The following CLOCK variants were observed in gnomAD, a reference collection of about 807,000 sequenced individuals.
CLOCK encodes the protein clock circadian regulator.
A neutral mutation model predicts 118.4 loss-of-function variants in CLOCK; 43 were observed. The ratio of observed to expected loss-of-function variants is 0.36; its 90% CI spans 0.28 to 0.47. The LOEUF is 0.47. CLOCK is among the 20% of genes least tolerant of loss of function. The pLI, the probability that CLOCK is intolerant of heterozygous loss-of-function variation, is 1.00. For synonymous variants in CLOCK, 326 were observed against 339.2 expected (o/e 0.96, Z 0.43); for missense variants, 846 against 999.9 (o/e 0.85, Z 2.08).
At chr4:55,491,522 TATTTTTTTGAGACAACTCAATA>T (rs2109951907) in intron 2 of CLOCK, among the ~76,000 whole-genome samples, 1 of 140,840 alleles carries the variant, frequency 7.1e-6, no homozygotes, top group Admixed American at 7.0e-5. Flanking sequence ...AATAAAAAAG[TATTTTTTTGAGACAACTCAATA>T]AATATACACC....
At chr4:55,437,438 C>T (rs12501746) in intron 22 of CLOCK, among the ~76,000 whole-genome samples, 46,085 of 152,014 alleles carry the variant, frequency 0.3, 7,607 homozygotes, top group East Asian at 0.58. Flanking sequence ...GGGTTTTGTA[C>T]ATTTCTCTGC....
At chr4:55,478,775 C>G in intron 6 of CLOCK, 40 bp downstream of exon 6, 1 of 1,593,760 alleles carries the variant, frequency 6.3e-7, no homozygotes, top group African/African-American at 1.3e-5. Context: ...CTAACTAATG[C>G]TTTGAGAGTC....
chr4:55,444,891 A>T (rs1452464243), intron 18 of CLOCK, 106 bp from the exon 19 acceptor site: 147 of 1,081,590 alleles, frequency 1.4e-4, no homozygotes, highest in Non-Finnish European at 1.7e-4. Context: ...AAGGATGATA[A>T]CATCCTTCAC....
At chr4:55,440,679 G>A (rs188795929) in intron 21 of CLOCK, among the ~76,000 whole-genome samples, 20 of 152,342 alleles carry the variant, frequency 1.3e-4, no homozygotes, top group African/African-American at 4.8e-4. Context: ...GAAGTACTAA[G>A]TGCTGATTTC....
At chr4:55,523,217 A>G (rs1729954861) in intron 1 of CLOCK, among the ~76,000 whole-genome samples, 2 of 152,164 alleles carry the variant, frequency 1.3e-5, no homozygotes, top group African/African-American at 4.8e-5. Context: ...GGAGAATGGC[A>G]TGAATCTGGG....
At position 55,502,231 on chromosome 4, in the gene CLOCK, T is replaced by A. The variant is rs574969206; in HGVS notation, c.-136+7681A>T. Among the ~76,000 whole-genome samples, 3 of 152,254 alleles carry A rather than the reference T, an allele frequency of 2.0e-5. No homozygotes were observed. In the East Asian group the frequency reaches 5.8e-4, roughly 29 times the overall value. ...TGCGGAGGACTGCTTATAAGCTGAG[T>A]GCAGAATTTTTATTGAAATTCAAAG... On this transcript the variant is annotated intron_variant, in intron 2 of 22. Transcript: ENST00000513440.
intron 1 of CLOCK, among the ~76,000 whole-genome samples, chr4:55,542,909 G>A (rs987749100): frequency 1.3e-5 from 2 of 152,052 alleles, no homozygotes; most frequent in African/African-American, 4.8e-5. Context: ...CTAAAACTTG[G>A]ACTCTAAAGA....
intron 1 of CLOCK, among the ~76,000 whole-genome samples, chr4:55,544,024 C>G (rs1323868070): frequency 6.6e-6 from 1 of 152,148 alleles, no homozygotes; most frequent in African/African-American, 2.4e-5. Flanking sequence ...ATATTAGTCA[C>G]CAGGGGGAGT....
intron 8 of CLOCK, among the ~76,000 whole-genome samples, chr4:55,468,091 G>T (rs1251830577): frequency 2.0e-5 from 3 of 152,116 alleles, no homozygotes; most frequent in Admixed American, 2.0e-4. Context: ...CTTACAAGCA[G>T]AATTACTTTA....
At chr4:55,451,704 G>GT (rs1172590574) in intron 15 of CLOCK, among the ~76,000 whole-genome samples, 2 of 152,184 alleles carry the variant, frequency 1.3e-5, no homozygotes, top group Non-Finnish European at 2.9e-5. Flanking sequence ...TATTACTTCA[G>GT]TTTTCATAAT....
intron 13 of CLOCK, among the ~76,000 whole-genome samples, chr4:55,455,030 T>G (rs1388690780): frequency 1.3e-5 from 2 of 152,158 alleles, no homozygotes; most frequent in African/African-American, 4.8e-5. Context: ...CTGAAAATTT[T>G]CCATAGAGTT....
intron 2 of CLOCK, among the ~76,000 whole-genome samples, chr4:55,508,168 T>C (rs1411168787): frequency 6.6e-6 from 1 of 152,186 alleles, no homozygotes; most frequent in African/African-American, 2.4e-5. Flanking sequence ...GACAGTGTAC[T>C]TTCATCTCCA....
At chr4:55,454,998 T>A (rs1479893881) in intron 13 of CLOCK, among the ~76,000 whole-genome samples, 1 of 152,122 alleles carries the variant, frequency 6.6e-6, no homozygotes. Flanking sequence ...GCCCACATCT[T>A]TTGTGCTGAA....
chr4:55,537,022 A>C (rs187888529), intron 1 of CLOCK, among the ~76,000 whole-genome samples: 13 of 152,372 alleles, frequency 8.5e-5, no homozygotes, highest in African/African-American at 2.9e-4. Flanking sequence ...ATAAATTTAA[A>C]ATTATCTCAT....
intron 2 of CLOCK, among the ~76,000 whole-genome samples, chr4:55,508,991 G>T (rs368882801): frequency 1.3e-5 from 2 of 152,248 alleles, no homozygotes; most frequent in African/African-American, 2.4e-5. Flanking sequence ...ACACCTAGAC[G>T]ATCTGGAATA....
chr4:55,546,227 C>T (rs570019837), intron 1 of CLOCK, among the ~76,000 whole-genome samples: 1 of 152,308 alleles, frequency 6.6e-6, no homozygotes, highest in African/African-American at 2.4e-5. Flanking sequence ...CTGCTGGAAT[C>T]GGCCGCAGCT....
rs1357163453 is a variant in CLOCK, at chr4:55,493,995, T to G, written c.-135-4530A>C. On this transcript the variant is annotated intron_variant, in intron 2 of 22. Transcript: ENST00000513440. ...TAGTGGGACAATACTATTCCAACGA[T>G]TCAACTAATATATATTTTTCAAGTA... Among the ~76,000 whole-genome samples the G allele has an allele frequency of 2.6e-5, 4 of 152,250 alleles. No homozygotes were observed. In the East Asian group the frequency reaches 7.7e-4, roughly 29 times the overall value.
intron 1 of CLOCK, among the ~76,000 whole-genome samples, chr4:55,529,221 C>T (rs1730386883): frequency 6.6e-6 from 1 of 152,162 alleles, no homozygotes. Flanking sequence ...TGCAGTGACA[C>T]AATCATAGCT....
chr4:55,469,991 A>G (rs1233673085), intron 8 of CLOCK, among the ~76,000 whole-genome samples: 1 of 152,242 alleles, frequency 6.6e-6, no homozygotes, highest in Non-Finnish European at 1.5e-5. Context: ...AAGTGTTACT[A>G]CAAGAGTAAA....
Sources: gnomAD v4.1 joint callset for allele counts (sites outside exome capture counted in the v4.1 genomes callset) on GRCh38, gnomAD v4.1.1 for gene constraint, MANE v1.5 for transcripts, NCBI Gene and HGNC (gene_info 2026-07-23, HGNC 2026-07-21) for gene names.